Variants in SMOC2 observed in about 807,000 individuals in gnomAD.
SMOC2 encodes SPARC-related modular calcium-binding protein 2.
In SMOC2, 39 loss-of-function variants were observed where a neutral mutation model predicts 61.4. That is an observed-to-expected ratio of 0.64 (90% CI 0.49 to 0.83). SMOC2 has a LOEUF of 0.83. Ranked by LOEUF, SMOC2 falls within the 40% of genes least tolerant of loss-of-function variation. The pLI is 0.00. For missense variants in SMOC2, 556 were observed against 592.9 expected (o/e 0.94, Z 0.65); for synonymous variants, 247 against 239.9 (o/e 1.03, Z -0.27).
chr6:168,557,446 T>C (rs942283023), intron 7 of SMOC2, among the ~76,000 whole-genome samples: 7 of 152,218 alleles, frequency 4.6e-5, no homozygotes, highest in African/African-American at 1.4e-4. Flanking sequence ...GGTTAAGTAA[T>C]CAGAATGAAG....
chr6:168,467,647 A>G (rs959066188), intron 1 of SMOC2, among the ~76,000 whole-genome samples: 2 of 151,868 alleles, frequency 1.3e-5, no homozygotes, highest in Admixed American at 1.3e-4. Context: ...TAGAGATGGG[A>G]TCTTACTATG....
At chr6:168,514,864 GACAA>G (rs1436206370) in intron 2 of SMOC2, among the ~76,000 whole-genome samples, 1 of 152,134 alleles carries the variant, frequency 6.6e-6, no homozygotes, top group East Asian at 1.9e-4. Context: ...GGATTTCTTA[GACAA>G]AGGAGGGAGG....
chr6:168,450,648 A>G (rs999947363), intron 1 of SMOC2, among the ~76,000 whole-genome samples: 5 of 152,172 alleles, frequency 3.3e-5, no homozygotes, highest in Non-Finnish European at 7.3e-5. Flanking sequence ...CCCAGGATGT[A>G]AAAGAATGAT....
At chr6:168,617,312 C>A (rs1328636665) in intron 9 of SMOC2, among the ~76,000 whole-genome samples, 1 of 152,058 alleles carries the variant, frequency 6.6e-6, no homozygotes, top group Non-Finnish European at 1.5e-5. Context: ...GTGCTGGGCG[C>A]TTTTTCTGTT....
intron 4 of SMOC2, among the ~76,000 whole-genome samples, chr6:168,542,664 G>A (rs550670557): frequency 8.5e-5 from 13 of 152,086 alleles, no homozygotes; most frequent in East Asian, 1.9e-4. Flanking sequence ...GGCAGTGTCC[G>A]CTGAGAGTGC....
chr6:168,641,606 G>C (rs945568763), intron 9 of SMOC2, among the ~76,000 whole-genome samples: 1 of 152,170 alleles, frequency 6.6e-6, no homozygotes, highest in African/African-American at 2.4e-5. Flanking sequence ...TGGATGACCT[G>C]ACCCAAAAGA....
intron 7 of SMOC2, among the ~76,000 whole-genome samples, chr6:168,577,334 A>G (rs1284250458): frequency 6.6e-6 from 1 of 152,130 alleles, no homozygotes; most frequent in African/African-American, 2.4e-5. Flanking sequence ...ACTTTGCTGG[A>G]CCAGGATGCC....
At chr6:168,656,526 A>AAAAAAAG (rs1787328226) in intron 11 of SMOC2, among the ~76,000 whole-genome samples, 1 of 120,038 alleles carries the variant, frequency 8.3e-6, no homozygotes, top group African/African-American at 3.2e-5. Context: ...AAAAAAAAAA[A>AAAAAAAG]AAAAGAAAAG....
Position 168,537,711 on chromosome 6 carries a change from G to A in SMOC2, c.464-5914G>A, listed in dbSNP as rs188704691. Among the ~76,000 whole-genome samples the A allele has an allele frequency of 5.1e-3, 780 of 152,244 alleles. 9 individuals are homozygous for A. Among genetic ancestry groups the A allele is most frequent in the African/African-American group, 0.018 (739 of 41,556 alleles). ...CTGGGGCCGAGAGACATATGCCCTC[G>A]GTCCTCTGGCAGGACACCCTCCCTG... On this transcript the variant is annotated intron_variant, in intron 4 of 12. Coordinates refer to ENST00000356284, the MANE Select transcript of SMOC2 (RefSeq NM_001166412.2).
intron 7 of SMOC2, among the ~76,000 whole-genome samples, chr6:168,587,447 A>T (rs1206973058): frequency 6.6e-6 from 1 of 152,210 alleles, no homozygotes; most frequent in Non-Finnish European, 1.5e-5. Flanking sequence ...GTGAGACATC[A>T]ATCAGTATGT....
Position 168,526,414 on chromosome 6 carries a change from T to C in SMOC2, c.325T>C (p.Phe109Leu), listed in dbSNP as rs200578462. 6.8e-6 allele frequency: 11 copies of C among 1,614,230 alleles called. No homozygotes were observed. In the East Asian group the frequency reaches 2.5e-4, roughly 36 times the overall value. ...EQARKEFQQV[F>L]IPECNDDGTY... The stretch of plus-strand genomic sequence containing the variant: ...AGCCCGGAAGGAGTTTCAGCAAGTG[T>C]TCATTCCTGAGTGCAATGACGACGG... The change falls in exon 3 of 13, where the codon TTC (phenylalanine) becomes CTC (leucine). Residue 109 changes from phenylalanine (F) to leucine (L), a missense_variant. Transcript: ENST00000356284.
At chr6:168,626,920 G>C (rs958756196) in intron 9 of SMOC2, among the ~76,000 whole-genome samples, 3 of 152,192 alleles carry the variant, frequency 2.0e-5, no homozygotes, top group African/African-American at 4.8e-5. Context: ...GCCTGGGTTG[G>C]CCTGGACCTG....
At chr6:168,557,369 CATA>C (rs2115117472) in intron 7 of SMOC2, among the ~76,000 whole-genome samples, 1 of 152,256 alleles carries the variant, frequency 6.6e-6, no homozygotes, top group East Asian at 1.9e-4. Context: ...ATCCAATTTT[CATA>C]ATTATAAAAG....
chr6:168,527,360 G>A (rs547217253), intron 3 of SMOC2, among the ~76,000 whole-genome samples: 1 of 152,198 alleles, frequency 6.6e-6, no homozygotes, highest in African/African-American at 2.4e-5. Flanking sequence ...TCTGGAAGGC[G>A]GTGAGGATTA....
intron 2 of SMOC2, among the ~76,000 whole-genome samples, chr6:168,524,175 T>A (rs1256475809): frequency 6.6e-6 from 1 of 152,180 alleles, no homozygotes; most frequent in East Asian, 1.9e-4. Context: ...GGTCAGGCAC[T>A]TCTCTGTAGT....
intron 9 of SMOC2, among the ~76,000 whole-genome samples, chr6:168,612,791 T>TG (rs1157504163): frequency 1.3e-5 from 2 of 151,672 alleles, no homozygotes; most frequent in Non-Finnish European, 1.5e-5. Context: ...AGAGAGGAGA[T>TG]GCAGGCGAAA....
intron 7 of SMOC2, among the ~76,000 whole-genome samples, chr6:168,577,355 T>A (rs1007684544): frequency 8.5e-5 from 13 of 152,236 alleles, no homozygotes; most frequent in Admixed American, 5.2e-4. Context: ...TTATTCCATC[T>A]AAACAAGTGC....
At chr6:168,615,182 C>T (rs1786037908) in intron 9 of SMOC2, among the ~76,000 whole-genome samples, 1 of 72,688 alleles carries the variant, frequency 1.4e-5, no homozygotes, top group Admixed American at 1.4e-4. Context: ...AGGGCCTCTT[C>T]ACACCTACAG....
At chr6:168,443,841 C>G (rs953544968) in intron 1 of SMOC2, among the ~76,000 whole-genome samples, 1 of 152,200 alleles carries the variant, frequency 6.6e-6, no homozygotes, top group Admixed American at 6.5e-5. Context: ...AGCTTAGGGT[C>G]TTGCTGGATG....
Sources: gnomAD v4.1 joint callset for allele counts (sites outside exome capture counted in the v4.1 genomes callset) on GRCh38, gnomAD v4.1.1 for gene constraint, MANE v1.5 for transcripts, NCBI Gene and HGNC (gene_info 2026-07-23, HGNC 2026-07-21) for gene names.